ADCY2: variants seen among roughly 807,000 people sequenced by gnomAD.
ADCY2 encodes adenylate cyclase 2, also known as adenylate cyclase type 2.
In ADCY2, 31 loss-of-function variants were observed where a neutral mutation model predicts 125.2. The observed-to-expected ratio is 0.25, with a 90% CI of 0.19 to 0.33. ADCY2 has a LOEUF of 0.33. Ranked by LOEUF, ADCY2 falls within the 10% of genes least tolerant of loss-of-function variation. The pLI is 1.00. For missense variants in ADCY2, 904 were observed against 1,418.2 expected (o/e 0.64, Z 5.82); for synonymous variants, 512 against 548.4 (o/e 0.93, Z 0.93).
At chr5:7,655,015 T>G (rs1405043569) in intron 4 of ADCY2, among the ~76,000 whole-genome samples, 1 of 152,172 alleles carries the variant, frequency 6.6e-6, no homozygotes, top group East Asian at 1.9e-4. Flanking sequence ...TTGAGATCCC[T>G]GTTAGGTTTT....
At chr5:7,514,276 G>T (rs1056389135) in intron 2 of ADCY2, among the ~76,000 whole-genome samples, 1 of 151,264 alleles carries the variant, frequency 6.6e-6, no homozygotes, top group African/African-American at 2.4e-5. Context: ...GTAGAATCAA[G>T]TCAGGACCTA....
intron 2 of ADCY2, among the ~76,000 whole-genome samples, chr5:7,450,746 C>T (rs1741441753): frequency 6.6e-6 from 1 of 152,204 alleles, no homozygotes; most frequent in South Asian, 2.1e-4. Context: ...GGGACTAATG[C>T]AGCTGGTAAC....
intron 14 of ADCY2, among the ~76,000 whole-genome samples, chr5:7,734,960 A>C (rs534103233): frequency 6.6e-6 from 1 of 152,188 alleles, no homozygotes; most frequent in African/African-American, 2.4e-5. Flanking sequence ...TCTGCAGCCA[A>C]TTCTCATAAG....
chr5:7,532,453 T>C (rs1299929298), intron 3 of ADCY2, among the ~76,000 whole-genome samples: 1 of 152,242 alleles, frequency 6.6e-6, no homozygotes, highest in Admixed American at 6.5e-5. Flanking sequence ...AACTTTCTTC[T>C]CTTTCCAACT....
At chr5:7,729,858 A>G (rs1742044768) in intron 14 of ADCY2, among the ~76,000 whole-genome samples, 2 of 149,156 alleles carry the variant, frequency 1.3e-5, no homozygotes, top group South Asian at 4.2e-4. Context: ...TATAATATGT[A>G]TTATATATTT....
At chr5:7,734,988 T>C (rs1742205635) in intron 14 of ADCY2, among the ~76,000 whole-genome samples, 1 of 152,198 alleles carries the variant, frequency 6.6e-6, no homozygotes, top group African/African-American at 2.4e-5. Context: ...ATGCCATTCA[T>C]GAGGTCTCCA....
At chr5:7,757,193 G>A (rs1036382518) in intron 15 of ADCY2, among the ~76,000 whole-genome samples, 5 of 152,094 alleles carry the variant, frequency 3.3e-5, no homozygotes, top group African/African-American at 1.2e-4. Context: ...ATAATTTCAG[G>A]TCTGTTTTAA....
At chr5:7,484,463 G>A (rs1382143181) in intron 2 of ADCY2, among the ~76,000 whole-genome samples, 1 of 152,192 alleles carries the variant, frequency 6.6e-6, no homozygotes, top group East Asian at 1.9e-4. Context: ...CTGCTGCAGA[G>A]AGACCCAAGC....
chr5:7,593,574 G>A (rs2126628015), intron 3 of ADCY2, among the ~76,000 whole-genome samples: 1 of 152,110 alleles, frequency 6.6e-6, no homozygotes, highest in African/African-American at 2.4e-5. Flanking sequence ...AAAAAAAATA[G>A]CCAAAATCTG....
At chr5:7,414,867 C>T (rs1336626211) in intron 2 of ADCY2, 97 bp downstream of exon 2, 17 of 1,002,944 alleles carry the variant, frequency 1.7e-5, no homozygotes, top group Admixed American at 3.5e-5. Flanking sequence ...GAAGAGGAGT[C>T]CTATAACTGA....
chr5:7,466,579 A>T (rs1156408235), intron 2 of ADCY2, among the ~76,000 whole-genome samples: 1 of 152,128 alleles, frequency 6.6e-6, no homozygotes, highest in Non-Finnish European at 1.5e-5. Flanking sequence ...GTGCTATCCT[A>T]CCTCGCAATG....
intron 7 of ADCY2, among the ~76,000 whole-genome samples, chr5:7,703,957 A>T (rs1256184299): frequency 1.3e-5 from 2 of 150,506 alleles, no homozygotes; most frequent in Admixed American, 1.3e-4. Context: ...AGACAAGATC[A>T]CACCACTGCA....
intron 3 of ADCY2, among the ~76,000 whole-genome samples, chr5:7,571,364 T>C (rs533470536): frequency 6.6e-6 from 1 of 152,330 alleles, no homozygotes; most frequent in African/African-American, 2.4e-5. Context: ...GTCAAACGAC[T>C]GGAGAAGATG....
At chr5:7,700,756 C>CACACACACACAG (rs1345535346) in intron 7 of ADCY2, among the ~76,000 whole-genome samples, 4 of 132,712 alleles carry the variant, frequency 3.0e-5, no homozygotes, top group African/African-American at 1.1e-4. Context: ...CACACACACA[C>CACACACACACAG]AGCCTCAGCC....
At chr5:7,690,137 G>T (rs1740660933) in intron 4 of ADCY2, among the ~76,000 whole-genome samples, 1 of 152,158 alleles carries the variant, frequency 6.6e-6, no homozygotes, top group Non-Finnish European at 1.5e-5. Context: ...ACATTTTACA[G>T]AAGCTAACAT....
intron 3 of ADCY2, among the ~76,000 whole-genome samples, chr5:7,526,179 C>T (rs894616729): frequency 6.6e-6 from 1 of 152,212 alleles, no homozygotes; most frequent in African/African-American, 2.4e-5. Context: ...ATGCACCTCA[C>T]ACACAGCTTT....
chr5:7,698,515 T>A, intron 7 of ADCY2, 141 bp downstream of exon 7: 2 of 847,448 alleles, frequency 2.4e-6, no homozygotes, highest in Non-Finnish European at 3.8e-6. Flanking sequence ...ACATTAGGTA[T>A]TTCTACTAAT....
At chr5:7,493,452 A>G (rs1743238262) in intron 2 of ADCY2, among the ~76,000 whole-genome samples, 1 of 152,130 alleles carries the variant, frequency 6.6e-6, no homozygotes, top group Non-Finnish European at 1.5e-5. Context: ...AAAGAAACAT[A>G]AGCCTGTTTT....
chr5:7,544,361 G>A lies in ADCY2; in HGVS notation c.570+23462G>A, dbSNP rs894706915. ...TAAAGTCAAGGTGTTGGCAGGGCTG[G>A]TTCCTTCTGGAGACTTTATGAGAGA... On this transcript the variant is annotated intron_variant, in intron 3 of 24. Transcript: ENST00000338316. Among the ~76,000 whole-genome samples the A allele has an allele frequency of 3.8e-4, 58 of 152,196 alleles. 1 individual carries two copies. The highest frequency in any genetic ancestry group is 3.5e-3 in the Admixed American group (54 of 15,284).
Sources: gnomAD v4.1 joint callset for allele counts (sites outside exome capture counted in the v4.1 genomes callset) on GRCh38, gnomAD v4.1.1 for gene constraint, MANE v1.5 for transcripts, NCBI Gene and HGNC (gene_info 2026-07-23, HGNC 2026-07-21) for gene names.